Variants in PTPRQ observed in about 807,000 individuals in gnomAD.
The protein encoded by PTPRQ is phosphatidylinositol phosphatase PTPRQ.
A neutral mutation model predicts 246.0 loss-of-function variants in PTPRQ; 199 were observed. The observed-to-expected ratio is 0.81, with a 90% CI of 0.72 to 0.91. PTPRQ has a LOEUF of 0.91. Among genes scored for constraint, PTPRQ ranks in the 40% least tolerant of loss-of-function variants. The pLI is 0.00. For missense variants in PTPRQ, 2,624 were observed against 2,528.4 expected (o/e 1.04, Z -0.81); for synonymous variants, 869 against 853.2 (o/e 1.02, Z -0.32).
At chr12:80,527,375 A>C (rs1342376135) in intron 17 of PTPRQ, among the ~76,000 whole-genome samples, 7 of 152,092 alleles carry the variant, frequency 4.6e-5, no homozygotes, top group Admixed American at 2.0e-4. Context: ...ACCCTTTTCC[A>C]AATAAAAATT....
intron 34 of PTPRQ, among the ~76,000 whole-genome samples, chr12:80,633,459 T>C (rs1042211276): frequency 1.3e-5 from 2 of 152,346 alleles, no homozygotes; most frequent in East Asian, 3.9e-4. Flanking sequence ...TTGGAAATCT[T>C]ACTTCTGACC....
intron 32 of PTPRQ, 131 bp downstream of exon 32, chr12:80,620,507 C>A: frequency 7.7e-7 from 1 of 1,294,234 alleles, no homozygotes; most frequent in Non-Finnish European, 1.0e-6. Flanking sequence ...CCTGATTTTT[C>A]TGGCACTAGG....
intron 39 of PTPRQ, among the ~76,000 whole-genome samples, chr12:80,659,960 T>C (rs956607333): frequency 6.6e-6 from 1 of 152,010 alleles, no homozygotes; most frequent in Non-Finnish European, 1.5e-5. Context: ...TGGGAACAGA[T>C]GTAGCAATGA....
In PTPRQ at chr12:80,499,061, A is replaced by G. The variant is rs1299342940; in HGVS notation, c.2272+2530A>G. On this transcript the variant is annotated intron_variant, in intron 14 of 44. Transcript: ENST00000644991. ...TGCAGAGCCCTTTATTTTTTAGGTG[A>G]GAAGACCTAGGACCATTTGGGTAAA... 2.6e-5 allele frequency among the ~76,000 whole-genome samples: 4 copies of G among 152,122 alleles called. No individual in the cohort carries two copies. In the East Asian group the frequency reaches 7.7e-4, roughly 29 times the overall value.
At chr12:80,537,296 T>C (rs1410953451) in intron 19 of PTPRQ, among the ~76,000 whole-genome samples, 1 of 152,220 alleles carries the variant, frequency 6.6e-6, no homozygotes, top group African/African-American at 2.4e-5. Flanking sequence ...ATGAAAATTA[T>C]GTAGCAGAAT....
At chr12:80,602,043 T>C (rs776970985) in intron 26 of PTPRQ, among the ~76,000 whole-genome samples, 3 of 151,736 alleles carry the variant, frequency 2.0e-5, no homozygotes, top group Non-Finnish European at 4.4e-5. Context: ...CATTCTTTCT[T>C]TACCCTCTCC....
rs928282144 is a variant in PTPRQ, at chr12:80,549,652, A to G, written c.4203A>G (p.Ser1401=). Residue 1401 remains serine, a synonymous_variant, in exon 25 of 45, where the codon TCA becomes TCG. Coordinates refer to ENST00000644991, the MANE Select transcript of PTPRQ (RefSeq NM_001145026.2). Reference sequence around the variant, plus strand: ...TCATAAAGCTTCTTGCCAATACCTCATATGTCTTTAAAGTAAGAGCTTCAA... The same window carrying G: ...TCATAAAGCTTCTTGCCAATACCTCGTATGTCTTTAAAGTAAGAGCTTCAA... ...YTFIKLLANT[S]YVFKVRASTS... The G allele has an allele frequency of 3.9e-6, 6 of 1,551,066 alleles. No homozygotes were observed. In the African/African-American group the frequency reaches 5.5e-5, roughly 14 times the overall value.
At chr12:80,586,016 A>G (rs901950156) in intron 25 of PTPRQ, among the ~76,000 whole-genome samples, 5 of 150,502 alleles carry the variant, frequency 3.3e-5, no homozygotes, top group African/African-American at 4.8e-5. Context: ...TAGTTTACTG[A>G]GAATGATGAT....
chr12:80,626,519 A>G (rs370853045), intron 33 of PTPRQ, among the ~76,000 whole-genome samples: 2 of 152,196 alleles, frequency 1.3e-5, no homozygotes, highest in Non-Finnish European at 2.9e-5. Flanking sequence ...ATGCATCTTC[A>G]CTGCAACTCT....
At chr12:80,556,254 C>G (rs907559977) in intron 25 of PTPRQ, among the ~76,000 whole-genome samples, 30 of 152,140 alleles carry the variant, frequency 2.0e-4, no homozygotes, top group African/African-American at 6.5e-4. Flanking sequence ...GTTTCGAACT[C>G]CTGACCTCAG....
At chr12:80,561,553 G>A (rs978682896) in intron 25 of PTPRQ, 2 of 151,968 alleles carry the variant, frequency 1.3e-5, no homozygotes, top group South Asian at 2.1e-4. Context: ...GTCACCCACC[G>A]GTCATGCCAT....
chr12:80,522,643 C>A (rs911111820), intron 17 of PTPRQ, among the ~76,000 whole-genome samples: 1 of 152,096 alleles, frequency 6.6e-6, no homozygotes, highest in Non-Finnish European at 1.5e-5. Flanking sequence ...GTCTTTGGTT[C>A]TGTTTATATG....
chr12:80,598,374 A>G (rs569442069), intron 26 of PTPRQ, among the ~76,000 whole-genome samples: 1 of 152,088 alleles, frequency 6.6e-6, no homozygotes, highest in East Asian at 1.9e-4. Context: ...CCAGTTATCA[A>G]AGTGTTTTAA....
At chr12:80,487,089 A>G (rs1001256957) in intron 9 of PTPRQ, among the ~76,000 whole-genome samples, 1 of 152,092 alleles carries the variant, frequency 6.6e-6, no homozygotes, top group Non-Finnish European at 1.5e-5. Flanking sequence ...AGTTTCAATC[A>G]CTGCTTCCTA....
chr12:80,507,069 CTT>C (rs1894984468), intron 16 of PTPRQ, among the ~76,000 whole-genome samples: 1 of 152,000 alleles, frequency 6.6e-6, no homozygotes, highest in South Asian at 2.1e-4. Flanking sequence ...ATGTTCAGCA[CTT>C]TTTTACGATA....
At chr12:80,481,588 C>T (rs1894060006) in intron 8 of PTPRQ, among the ~76,000 whole-genome samples, 1 of 151,984 alleles carries the variant, frequency 6.6e-6, no homozygotes, top group Non-Finnish European at 1.5e-5. Context: ...TCAAATTGTC[C>T]CTGCTTGCAG....
intron 26 of PTPRQ, among the ~76,000 whole-genome samples, chr12:80,598,233 A>C (rs1227018173): frequency 6.6e-6 from 1 of 151,996 alleles, no homozygotes; most frequent in African/African-American, 2.4e-5. Flanking sequence ...TGCGGTTAGG[A>C]AATCTAATTA....
intron 25 of PTPRQ, among the ~76,000 whole-genome samples, chr12:80,562,836 T>C (rs1158169215): frequency 6.6e-6 from 1 of 151,982 alleles, no homozygotes; most frequent in African/African-American, 2.4e-5. Flanking sequence ...ATGAAAAGCT[T>C]GTTCTTTGAA....
Position 80,445,560 on chromosome 12 carries a change from C to T in PTPRQ, c.233C>T (p.Thr78Ile). The T allele has an allele frequency of 6.5e-7, 1 of 1,549,422 alleles. No individual in the cohort carries two copies. Among genetic ancestry groups the T allele is most frequent in the Non-Finnish European group, 8.7e-7 (1 of 1,145,488 alleles). Residue 78 changes from threonine (T) to isoleucine (I), a missense_variant, in exon 3 of 45, where the codon ACA (threonine) becomes ATA (isoleucine). Physicochemically the swap from Thr to Ile is moderately conservative, Grantham distance 89. Coordinates refer to ENST00000644991, the MANE Select transcript of PTPRQ (RefSeq NM_001145026.2). The stretch of plus-strand genomic sequence containing the variant: ...GCTGGGATTCTTCTGTCTTGGAATA[C>T]ACCACCTAATCCAAATGGAAGGATT... Reference protein sequence around the residue: ...GSAGILLSWNTPPNPNGRIIS... With the variant: ...GSAGILLSWNIPPNPNGRIIS...
Sources: gnomAD v4.1 joint callset for allele counts (sites outside exome capture counted in the v4.1 genomes callset) on GRCh38, gnomAD v4.1.1 for gene constraint, MANE v1.5 for transcripts, NCBI Gene and HGNC (gene_info 2026-07-23, HGNC 2026-07-21) for gene names.